SLC47A1: variants seen among roughly 807,000 people sequenced by gnomAD.
SLC47A1 encodes multidrug and toxin extrusion protein 1.
SLC47A1 carries 58 observed loss-of-function variants against 65.8 expected under a neutral mutation model. The ratio of observed to expected loss-of-function variants is 0.88; its 90% confidence interval spans 0.71 to 1.10. The LOEUF is 1.10. SLC47A1 is among the 50% of genes least tolerant of loss of function. The pLI is 0.00. For synonymous variants in SLC47A1, 285 were observed against 295.0 expected, an observed-to-expected ratio of 0.97 and a Z score of 0.35; for missense variants, 706 against 719.2, an observed-to-expected ratio of 0.98 and a Z score of 0.21.
intron 7 of SLC47A1, 132 bp downstream of exon 7, chr17:19,555,441 C>A: frequency 1.6e-6 from 2 of 1,280,110 alleles, no homozygotes; most frequent in Non-Finnish European, 2.3e-6. Context: ...CTGTGGAAAG[C>A]ACTGTCAGGG....
intron 12 of SLC47A1, among the ~76,000 whole-genome samples, chr17:19,562,169 C>A (rs757938190): frequency 1.3e-5 from 2 of 152,162 alleles, no homozygotes; most frequent in African/African-American, 4.8e-5. Context: ...GCTGGTGGAG[C>A]GGACAGAACT....
intron 12 of SLC47A1, among the ~76,000 whole-genome samples, chr17:19,563,377 C>T (rs1223925512): frequency 6.6e-6 from 1 of 151,844 alleles, no homozygotes; most frequent in Non-Finnish European, 1.5e-5. Flanking sequence ...TGTGATCCGC[C>T]CGCCTCGGCC....
intron 1 of SLC47A1, among the ~76,000 whole-genome samples, chr17:19,539,020 T>C (rs1167444405): frequency 6.6e-6 from 1 of 152,150 alleles, no homozygotes; most frequent in Non-Finnish European, 1.5e-5. Flanking sequence ...TGATCCTTCC[T>C]GCTTCAGGCT....
chr17:19,548,090 C>CA lies in SLC47A1; in HGVS notation c.413dup (p.His139AlafsTer38). On this transcript the variant is annotated frameshift_variant, in exon 4 of 17. Coordinates refer to ENST00000270570, the MANE Select transcript of SLC47A1 (RefSeq NM_018242.3). LOFTEE classifies it high-confidence loss of function. Reference sequence around the variant, plus strand: ...CTGCTGGGCGCTCTTTCTCAACACCCAGCACATCCTGCTGCTCTTCAGGCA... The same window carrying CA: ...CTGCTGGGCGCTCTTTCTCAACACCCAAGCACATCCTGCTGCTCTTCAGGCA... 6.2e-7 allele frequency: 1 copy of CA among 1,614,026 alleles called. No homozygotes were observed. Among genetic ancestry groups the CA allele is most frequent in the Non-Finnish European group, 8.5e-7 (1 of 1,180,018 alleles).
intron 1 of SLC47A1, among the ~76,000 whole-genome samples, chr17:19,536,462 G>T (rs1915992045): frequency 6.6e-6 from 1 of 151,826 alleles, no homozygotes; most frequent in African/African-American, 2.4e-5. Context: ...ATTTACTGTA[G>T]AAAAAAATAG....
Position 19,542,482 on chromosome 17 carries a change from G to T in SLC47A1, c.225G>T (p.Thr75=), listed in dbSNP as rs374411316. 3.1e-5 allele frequency: 50 copies of T among 1,611,840 alleles called. No homozygotes were observed. In the African/African-American group the frequency reaches 3.5e-4, roughly 11 times the overall value. The part of the protein sequence containing the change: ...HLGKLELDAV[T]LAIAVINVTG... ...GCAAGCTGGAGCTGGATGCAGTCACGCTGGCAATCGCGGTACGTGTGGGCT... is the reference window on the plus strand; with the variant it reads ...GCAAGCTGGAGCTGGATGCAGTCACTCTGGCAATCGCGGTACGTGTGGGCT... The change falls in exon 2 of 17, where the codon ACG becomes ACT. Residue 75 remains threonine (T), a synonymous_variant. Transcript: ENST00000270570.
At chr17:19,549,914 C>T (rs1168066878) in intron 5 of SLC47A1, among the ~76,000 whole-genome samples, 1 of 152,180 alleles carries the variant, frequency 6.6e-6, no homozygotes, top group African/African-American at 2.4e-5. Context: ...GAGAGACCTC[C>T]AGAATCATCC....
chr17:19,568,076 A>G (rs1486510459), intron 14 of SLC47A1: 1 of 152,234 alleles, frequency 6.6e-6, no homozygotes, highest in Non-Finnish European at 1.5e-5. Context: ...AAATGATGAT[A>G]TGAAAACCTG....
chr17:19,544,414 C>T (rs765309943), intron 2 of SLC47A1, among the ~76,000 whole-genome samples: 3 of 152,240 alleles, frequency 2.0e-5, no homozygotes, highest in Non-Finnish European at 4.4e-5. Context: ...AAGGACTTAT[C>T]AAAGTCAGTG....
At chr17:19,557,577 G>A (rs755120219) in intron 10 of SLC47A1, 5 of 515,828 alleles carry the variant, frequency 9.7e-6, no homozygotes, top group South Asian at 4.2e-5. Flanking sequence ...GTATGTTCAC[G>A]GGGCGATGCT....
chr17:19,543,936 A>G (rs1462658952), intron 2 of SLC47A1, among the ~76,000 whole-genome samples: 1 of 152,142 alleles, frequency 6.6e-6, no homozygotes, highest in African/African-American at 2.4e-5. Context: ...AGCTATGAGT[A>G]TATATGGCTT....
intron 14 of SLC47A1, among the ~76,000 whole-genome samples, chr17:19,569,446 C>G (rs572581658): frequency 6.6e-6 from 1 of 152,224 alleles, no homozygotes; most frequent in Admixed American, 6.5e-5. Flanking sequence ...GGTGGGGGCC[C>G]TGGGGATGTG....
At chr17:19,571,978 T>C (rs1314414923) in intron 15 of SLC47A1, among the ~76,000 whole-genome samples, 1 of 152,126 alleles carries the variant, frequency 6.6e-6, no homozygotes. Flanking sequence ...GTGTGAGGTC[T>C]AGAAATAGGT....
At chr17:19,575,821 C>A (rs1461718587) in intron 16 of SLC47A1, among the ~76,000 whole-genome samples, 1 of 152,080 alleles carries the variant, frequency 6.6e-6, no homozygotes, top group Non-Finnish European at 1.5e-5. Context: ...ACTGAAAAAT[C>A]AACTTATAAT....
At chr17:19,541,385 T>A (rs1237377043) in intron 1 of SLC47A1, among the ~76,000 whole-genome samples, 1 of 152,210 alleles carries the variant, frequency 6.6e-6, no homozygotes, top group Non-Finnish European at 1.5e-5. Context: ...AGAGAGATAC[T>A]GGACCGCCTG....
At chr17:19,555,440 G>A (rs770765046) in intron 7 of SLC47A1, 131 bp downstream of exon 7, 160 of 1,280,948 alleles carry the variant, frequency 1.2e-4, no homozygotes, top group Non-Finnish European at 1.7e-4. Flanking sequence ...ACTGTGGAAA[G>A]CACTGTCAGG....
In SLC47A1 at chr17:19,540,056, G is replaced by A. The variant is rs117648865; in HGVS notation, c.136-2337G>A. On this transcript the variant is annotated intron_variant, in intron 1 of 16. Transcript: ENST00000270570. ...GGCAGCTCTCAAAAAAACTATTTTT[G>A]CTGGCATTGACATTGAAGATGCATC... Among the ~76,000 whole-genome samples the A allele has an allele frequency of 3.9e-3, 591 of 152,256 alleles. 35 individuals are homozygous for A. The East Asian group carries it at 0.095, about 24-fold the overall frequency.
intron 6 of SLC47A1, 97 bp downstream of exon 6, chr17:19,551,565 G>C: frequency 9.2e-7 from 1 of 1,085,664 alleles, no homozygotes; most frequent in South Asian, 1.3e-5. Flanking sequence ...AGGGACCCCA[G>C]GGTGGAGGGA....
chr17:19,572,733 A>G lies in SLC47A1; in HGVS notation c.1405-47A>G, dbSNP rs1348817693. On this transcript the variant is annotated intron_variant, in intron 15 of 16. Coordinates refer to ENST00000270570, the MANE Select transcript of SLC47A1 (RefSeq NM_018242.3). Reference sequence around the variant, plus strand: ...AAACTAGGTGGTCAAGTAAAATACCATATTAACACTATTGTGAAGCCTGAT... The same window carrying G: ...AAACTAGGTGGTCAAGTAAAATACCGTATTAACACTATTGTGAAGCCTGAT... The G allele has an allele frequency of 4.5e-6, 7 of 1,569,690 alleles. No homozygotes were observed. The African/African-American group carries it at 8.1e-5, about 18-fold the overall frequency.
Sources: gnomAD v4.1 joint callset for allele counts (sites outside exome capture counted in the v4.1 genomes callset) on GRCh38, gnomAD v4.1.1 for gene constraint, MANE v1.5 for transcripts, NCBI Gene and HGNC (gene_info 2026-07-23, HGNC 2026-07-21) for gene names.